NAV2: variants seen among roughly 807,000 people sequenced by gnomAD.
The protein encoded by NAV2 is helicase, APC down-regulated 1.
In NAV2, 54 loss-of-function variants were observed where a neutral mutation model predicts 223.2. The ratio of observed to expected loss-of-function variants is 0.24; its 90% CI spans 0.19 to 0.30. The LOEUF is 0.30. Among genes scored for constraint, NAV2 ranks in the 10% least tolerant of loss-of-function variants. NAV2 has a pLI of 1.00. For missense variants in NAV2, 2,806 were observed against 3,147.5 expected, an observed-to-expected ratio of 0.89 and a Z score of 2.60; for synonymous variants, 1,279 against 1,239.3, an observed-to-expected ratio of 1.03 and a Z score of -0.67.
intron 1 of NAV2, among the ~76,000 whole-genome samples, chr11:19,797,538 C>G (rs2057990679): frequency 6.6e-6 from 1 of 152,028 alleles, no homozygotes; most frequent in South Asian, 2.1e-4. Context: ...TTTTTTAATG[C>G]CTTGACCATG....
At chr11:19,895,100 CTTTCTT>C (rs1314577076) in intron 6 of NAV2, among the ~76,000 whole-genome samples, 12 of 105,084 alleles carry the variant, frequency 1.1e-4, no homozygotes, top group African/African-American at 3.9e-4. Flanking sequence ...TTTTCTTTTT[CTTTCTT>C]TTTTTTTTTT....
At chr11:20,082,679 C>T (rs374194686) in intron 25 of NAV2, 47 of 1,348,910 alleles carry the variant, frequency 3.5e-5, no homozygotes, top group Admixed American at 3.2e-4. Flanking sequence ...CATCCATCAC[C>T]GTGTCTGAGC....
rs143017185 is a variant in NAV2, at chr11:19,539,781, T to C, written c.75+188754T>C. On this transcript the variant is annotated intron_variant, in intron 1 of 37. Coordinates refer to the NAV2 transcript ENST00000360655. ...ATTTGATGCAATCAGTCCTACTCTC[T>C]GAAAAGTTATCAAGAAGCAGGCAGG... Among the ~76,000 whole-genome samples the C allele has an allele frequency of 9.8e-3, 1,490 of 152,296 alleles. 12 individuals carry two copies. Among genetic ancestry groups the C allele is most frequent in the Non-Finnish European group, 0.015 (1,002 of 68,034 alleles).
chr11:19,556,621 T>G (rs1045738394), intron 1 of NAV2, among the ~76,000 whole-genome samples: 1 of 152,232 alleles, frequency 6.6e-6, no homozygotes, highest in Non-Finnish European at 1.5e-5. Context: ...ATCAAAATGT[T>G]AAAATAATTT....
At chr11:19,587,007 G>T (rs1399523118) in intron 1 of NAV2, among the ~76,000 whole-genome samples, 2 of 152,246 alleles carry the variant, frequency 1.3e-5, no homozygotes, top group East Asian at 3.8e-4. Context: ...AGGCCTCCTT[G>T]AGCTGAGGTG....
chr11:19,432,128 G>T (rs1306752950), intron 1 of NAV2, among the ~76,000 whole-genome samples: 1 of 151,180 alleles, frequency 6.6e-6, no homozygotes. Flanking sequence ...AACCCGGGAA[G>T]TGGATGTTGC....
chr11:19,774,850 G>A (rs1273368249), intron 1 of NAV2, among the ~76,000 whole-genome samples: 1 of 152,132 alleles, frequency 6.6e-6, no homozygotes, highest in African/African-American at 2.4e-5. Flanking sequence ...ATCTCTCCTT[G>A]TACCATGAGT....
intron 25 of NAV2, among the ~76,000 whole-genome samples, chr11:20,082,242 C>A (rs1236536013): frequency 6.6e-6 from 1 of 152,156 alleles, no homozygotes; most frequent in Non-Finnish European, 1.5e-5. Context: ...TCCTCTCCAA[C>A]CTCCCCCAAA....
At chr11:19,689,908 G>T (rs1210321068) in intron 1 of NAV2, among the ~76,000 whole-genome samples, 2 of 152,194 alleles carry the variant, frequency 1.3e-5, no homozygotes, top group Non-Finnish European at 2.9e-5. Context: ...TCAAACAAAT[G>T]CTGCAGAAAG....
At position 19,939,695 on chromosome 11, in the gene NAV2, G is replaced by A. The variant is rs902297730; in HGVS notation, c.2068G>A (p.Glu690Lys). The A allele has an allele frequency of 3.1e-6, 5 of 1,614,020 alleles. No individual in the cohort carries two copies. The highest frequency in any genetic ancestry group is 1.7e-5 in the Admixed American group (1 of 59,998). ...QTDTEGNVTA[E>K]SSSTGVSVEP... The stretch of plus-strand genomic sequence containing the variant: ...GGACACTGAAGGGAATGTTACTGCC[G>A]AGTCAAGCTCAACAGGTGTGAGCGT... The change falls in exon 8 of 38, where the codon GAG becomes AAG. Residue 690 changes from glutamate (E) to lysine (K), a missense_variant. Physicochemically the swap from Glu to Lys is moderately conservative, Grantham distance 56. This residue lies in a region of NAV2 where 1,167 missense variants were observed against 1,180.5 expected (regional missense o/e 0.99). Transcript: ENST00000349880.
chr11:19,373,161 C>A (rs745691066), intron 1 of NAV2, among the ~76,000 whole-genome samples: 8 of 152,166 alleles, frequency 5.3e-5, no homozygotes, highest in Non-Finnish European at 1.2e-4. Context: ...ATGTTAAGTG[C>A]CCTGGGGCTC....
intron 1 of NAV2, among the ~76,000 whole-genome samples, chr11:19,443,610 T>C (rs1458094561): frequency 6.6e-6 from 1 of 152,228 alleles, no homozygotes. Context: ...ACATGGGTTT[T>C]CTTCTCTCCT....
chr11:19,963,561 G>T (rs573212005), intron 10 of NAV2, among the ~76,000 whole-genome samples: 2 of 152,210 alleles, frequency 1.3e-5, no homozygotes, highest in Non-Finnish European at 2.9e-5. Flanking sequence ...GGAAGGGTAA[G>T]GTACAGAGGA....
chr11:19,954,770 C>T (rs1220064340), intron 10 of NAV2, among the ~76,000 whole-genome samples: 1 of 151,914 alleles, frequency 6.6e-6, no homozygotes, highest in Admixed American at 6.6e-5. Context: ...TGTATGCTTC[C>T]TTGTTACTTG....
chr11:19,703,565 G>A (rs905366035), intron 1 of NAV2, among the ~76,000 whole-genome samples: 11 of 152,210 alleles, frequency 7.2e-5, no homozygotes, highest in Admixed American at 3.9e-4. Context: ...GGCGGCATTG[G>A]GGGGATTACC....
At chr11:19,824,069 C>T (rs1372021003) in intron 1 of NAV2, among the ~76,000 whole-genome samples, 3 of 152,104 alleles carry the variant, frequency 2.0e-5, no homozygotes, top group African/African-American at 4.8e-5. Flanking sequence ...ACTTATTCCT[C>T]CAAAACTCAG....
chr11:19,701,796 C>T (rs1218141036), intron 1 of NAV2, among the ~76,000 whole-genome samples: 1 of 152,142 alleles, frequency 6.6e-6, no homozygotes, highest in African/African-American at 2.4e-5. Context: ...TTTTTTTCCA[C>T]CCGTGAAGCT....
chr11:20,027,458 A>T, intron 11 of NAV2: 1 of 985,516 alleles, frequency 1.0e-6, no homozygotes, highest in Non-Finnish European at 1.2e-6. Flanking sequence ...AGAACTGGAA[A>T]ATTGAGCAGG....
chr11:19,936,784 T>A (rs1292748993), intron 7 of NAV2, among the ~76,000 whole-genome samples: 1 of 152,142 alleles, frequency 6.6e-6, no homozygotes, highest in Non-Finnish European at 1.5e-5. Flanking sequence ...GCTAGCAGCT[T>A]AGAGGTAATT....
Sources: allele counts gnomAD v4.1 joint callset (sites outside exome capture counted in the v4.1 genomes callset), GRCh38; gene constraint gnomAD v4.1.1; regional missense constraint gnomAD v4.1.1; transcripts MANE v1.5; gene names NCBI Gene and HGNC (gene_info 2026-07-23, HGNC 2026-07-21).